The following DENND10 variants were observed in gnomAD, a reference collection of about 807,000 sequenced individuals.
The protein encoded by DENND10 is DENN domain containing 10.
In DENND10, 24 loss-of-function variants were observed where a neutral mutation model predicts 43.6. That is an observed-to-expected ratio of 0.55 (90% CI 0.40 to 0.77). DENND10 has a LOEUF of 0.77. Among genes scored for constraint, DENND10 ranks in the 30% least tolerant of loss-of-function variants. The pLI, the probability that DENND10 is intolerant of heterozygous loss-of-function variation, is 0.00. For missense variants in DENND10, 303 were observed against 429.9 expected (o/e 0.70, Z 2.61); for synonymous variants, 125 against 157.6 (o/e 0.79, Z 1.55).
chr10:119,115,159 C>G (rs1845187368), intron 3 of DENND10, among the ~76,000 whole-genome samples: 1 of 152,136 alleles, frequency 6.6e-6, no homozygotes, highest in African/African-American at 2.4e-5. Context: ...GCAGTGAAAA[C>G]TGAGCTGCCG....
chr10:119,114,132 ATCC>A (rs1327102224), intron 3 of DENND10: 3 of 152,186 alleles, frequency 2.0e-5, no homozygotes, highest in Non-Finnish European at 4.4e-5. Flanking sequence ...GCATTGTAGT[ATCC>A]TGGATTTCTT....
At chr10:119,123,440 C>G in intron 5 of DENND10, 29 bp from the exon 6 acceptor site, 1 of 1,542,016 alleles carries the variant, frequency 6.5e-7, no homozygotes, top group Non-Finnish European at 9.0e-7. Flanking sequence ...GGACCAGCAA[C>G]AACTTGAGTT....
intron 6 of DENND10, among the ~76,000 whole-genome samples, chr10:119,125,838 A>G (rs1474891707): frequency 6.6e-6 from 1 of 152,082 alleles, no homozygotes; most frequent in Non-Finnish European, 1.5e-5. Flanking sequence ...ATTTTTAAAT[A>G]TACAATAAAC....
At chr10:119,110,167 C>A (rs1844910089) in intron 2 of DENND10, among the ~76,000 whole-genome samples, 1 of 151,678 alleles carries the variant, frequency 6.6e-6, no homozygotes, top group Middle Eastern at 3.4e-3. Context: ...TCAATAAGTT[C>A]TTTTTGTTTT....
At chr10:119,104,276 C>G in intron 1 of DENND10, 79 bp downstream of exon 1, 1 of 1,364,388 alleles carries the variant, frequency 7.3e-7, no homozygotes, top group South Asian at 1.4e-5. Context: ...GCAGCCCGGG[C>G]TCCCGCGGCC....
chr10:119,120,387 A>G lies in DENND10; in HGVS notation c.528A>G (p.Ala176=), dbSNP rs1411529211. 1.9e-6 allele frequency: 3 copies of G among 1,613,458 alleles called. No homozygotes were observed. The East Asian group carries it at 6.7e-5, about 36-fold the overall frequency. The change falls in exon 5 of 9, where the codon GCA becomes GCG. Residue 176 remains alanine, a synonymous_variant. Transcript: ENST00000361432. Reference sequence around the variant, plus strand: ...TGGAAACTGTTATCTTACACACAGCACTGATGCTAAAGAAAAGAATTGTGG... The same window carrying G: ...TGGAAACTGTTATCTTACACACAGCGCTGATGCTAAAGAAAAGAATTGTGG... The part of the protein sequence containing the change: ...FGMETVILHT[A]LMLKKRIVVY...
intron 1 of DENND10, among the ~76,000 whole-genome samples, chr10:119,107,605 G>A (rs1844759463): frequency 1.3e-5 from 2 of 151,944 alleles, no homozygotes; most frequent in South Asian, 4.1e-4. Flanking sequence ...GGTTTCTCCA[G>A]GTTGGTCAGG....
rs534806208 is a variant in DENND10, at chr10:119,111,713, T to G, written c.253-136T>G. The G allele has an allele frequency of 1.9e-5, 12 of 627,636 alleles. No individual in the cohort carries two copies. The East Asian group carries it at 3.0e-4, about 16-fold the overall frequency. 38.9% of individuals were successfully genotyped at this position (627,636 alleles called of 1,614,324 possible). A position where few individuals can be genotyped will look rare whatever the true frequency, so the allele number is the denominator to read the frequency against. ...ACATGCAGAAGTATAAAGAAGCAAG[T>G]GAGGACTTGTTAAATTTTGGTCTTT... On this transcript the variant is annotated intron_variant, in intron 2 of 8. Coordinates refer to ENST00000361432, the MANE Select transcript of DENND10 (RefSeq NM_207009.4).
At chr10:119,126,421 C>G (rs1195269392) in intron 6 of DENND10, among the ~76,000 whole-genome samples, 4 of 152,156 alleles carry the variant, frequency 2.6e-5, no homozygotes, top group Non-Finnish European at 5.9e-5. Flanking sequence ...TTCCTACCAA[C>G]AGTGTACGAG....
intron 1 of DENND10, among the ~76,000 whole-genome samples, chr10:119,106,058 G>A (rs1194609857): frequency 6.6e-6 from 1 of 152,152 alleles, no homozygotes; most frequent in Non-Finnish European, 1.5e-5. Flanking sequence ...ACTGGGCGTG[G>A]TGGTGCACAC....
intron 1 of DENND10, among the ~76,000 whole-genome samples, chr10:119,106,444 G>C (rs981659923): frequency 6.6e-6 from 1 of 152,076 alleles, no homozygotes; most frequent in Admixed American, 6.6e-5. Context: ...GGGCTAACTT[G>C]ATCCTCCCAC....
rs76154416 is a variant in DENND10 at position 119,115,181 on chromosome 10, T to G, written c.333-2338T>G. 8.0e-3 allele frequency among the ~76,000 whole-genome samples: 1,220 copies of G among 151,990 alleles called. 90 individuals carry two copies. In the East Asian group the frequency reaches 0.18, roughly 22 times the overall value. ...AAACTGAGCTGCCGCCTCCTCCTGT[T>G]CCCAGACTCCAGTTCTACCTCCTGA... On this transcript the variant is annotated intron_variant, in intron 3 of 8. Coordinates refer to ENST00000361432, the MANE Select transcript of DENND10 (RefSeq NM_207009.4).
chr10:119,134,534 G>A (rs1397744609), intron 8 of DENND10: 1 of 151,748 alleles, frequency 6.6e-6, no homozygotes, highest in Non-Finnish European at 1.5e-5. Flanking sequence ...TGTATTTTTA[G>A]TAGAGGCAGG....
At chr10:119,136,439 C>T in intron 8 of DENND10, 32 bp from the exon 9 acceptor site, 2 of 1,581,014 alleles carry the variant, frequency 1.3e-6, no homozygotes, top group South Asian at 1.2e-5. Flanking sequence ...CGGATACTAA[C>T]ATGTTGCATA....
At chr10:119,123,770 A>T (rs2133503080) in intron 6 of DENND10, among the ~76,000 whole-genome samples, 1 of 151,504 alleles carries the variant, frequency 6.6e-6, no homozygotes, top group East Asian at 1.9e-4. Flanking sequence ...GGCTAATTTT[A>T]TTCCACTTTA....
intron 6 of DENND10, among the ~76,000 whole-genome samples, chr10:119,127,684 C>T (rs568654041): frequency 5.7e-4 from 86 of 151,946 alleles, no homozygotes; most frequent in Non-Finnish European, 9.4e-4. Flanking sequence ...GATGGGGTTT[C>T]GCCATGTTGC....
At chr10:119,117,952 C>G (rs561521835) in intron 4 of DENND10, among the ~76,000 whole-genome samples, 6 of 150,828 alleles carry the variant, frequency 4.0e-5, no homozygotes, top group Non-Finnish European at 7.4e-5. Flanking sequence ...GGGCAACAGA[C>G]GAGACTCCGT....
At chr10:119,113,240 A>C (rs1845066166) in intron 3 of DENND10, among the ~76,000 whole-genome samples, 1 of 144,776 alleles carries the variant, frequency 6.9e-6, no homozygotes, top group Admixed American at 7.1e-5. Flanking sequence ...CCTAGCTTGG[A>C]GTGCAGTGGC....
At chr10:119,109,541 G>C (rs1194757970) in intron 2 of DENND10, among the ~76,000 whole-genome samples, 2 of 151,626 alleles carry the variant, frequency 1.3e-5, no homozygotes, top group African/African-American at 4.8e-5. Context: ...TAAAATAGCA[G>C]GAAGGTAACA....
Sources: gnomAD v4.1 joint callset for allele counts (sites outside exome capture counted in the v4.1 genomes callset) on GRCh38, gnomAD v4.1.1 for gene constraint, MANE v1.5 for transcripts, NCBI Gene and HGNC (gene_info 2026-07-23, HGNC 2026-07-21) for gene names.